ZNF83: variants seen among roughly 807,000 people sequenced by gnomAD.
ZNF83 encodes the protein zinc finger protein 83.
For synonymous variants in ZNF83, 209 were observed against 213.0 expected, an observed-to-expected ratio of 0.98 and a Z score of 0.17; for missense variants, 552 against 629.9, an observed-to-expected ratio of 0.88 and a Z score of 1.32.
intron 2 of ZNF83, chr19:52,618,758 C>T (rs1241777965): frequency 2.6e-6 from 3 of 1,162,506 alleles, no homozygotes; most frequent in Non-Finnish European, 3.5e-6. Context: ...ATGAAGAACG[C>T]AGAACATCTA....
intron 2 of ZNF83, among the ~76,000 whole-genome samples, chr19:52,620,738 C>T (rs781780724): frequency 8.5e-5 from 13 of 152,194 alleles, no homozygotes; most frequent in Non-Finnish European, 1.8e-4. Context: ...CTGAGGCAAG[C>T]GAAAAGCACA....
At chr19:52,663,565 CTTGAACTAAAT>C (rs1336339773) in intron 1 of ZNF83, among the ~76,000 whole-genome samples, 2 of 152,148 alleles carry the variant, frequency 1.3e-5, no homozygotes, top group African/African-American at 4.8e-5. Context: ...TAATAGGCTA[CTTGAACTAAAT>C]TTTGATGTTA....
intron 1 of ZNF83, chr19:52,636,315 T>TGTTA (rs1161897645): frequency 6.6e-6 from 1 of 151,802 alleles, no homozygotes; most frequent in Non-Finnish European, 1.5e-5. Context: ...TGTCTCTTAA[T>TGTTA]GTTAGTTAAT....
chr19:52,690,182 GAAA>G (rs35717855), intron 1 of ZNF83, among the ~76,000 whole-genome samples: 9 of 132,188 alleles, frequency 6.8e-5, no homozygotes, highest in African/African-American at 1.7e-4. Flanking sequence ...ATGATTTTGA[GAAA>G]AAAAAAAAAA....
intron 2 of ZNF83, among the ~76,000 whole-genome samples, chr19:52,616,087 C>CTTGG (rs1290789189): frequency 6.6e-6 from 1 of 152,228 alleles, no homozygotes; most frequent in East Asian, 1.9e-4. Flanking sequence ...ATCCACCCAC[C>CTTGG]TTGGGCTCCC....
chr19:52,670,151 A>C (rs2061704918), intron 1 of ZNF83, among the ~76,000 whole-genome samples: 1 of 151,442 alleles, frequency 6.6e-6, no homozygotes, highest in Non-Finnish European at 1.5e-5. Context: ...CACCTGCTCC[A>C]CCCTGCCTCA....
At chr19:52,665,848 G>T (rs888292913) in intron 1 of ZNF83, among the ~76,000 whole-genome samples, 1 of 152,048 alleles carries the variant, frequency 6.6e-6, no homozygotes. Context: ...CATCTATGAG[G>T]ACGCACCCTT....
intron 1 of ZNF83, among the ~76,000 whole-genome samples, chr19:52,688,846 C>T (rs1196567862): frequency 6.6e-6 from 1 of 151,896 alleles, no homozygotes; most frequent in Admixed American, 6.6e-5. Flanking sequence ...TTTCCTCTGC[C>T]TGTCAAGCTC....
At chr19:52,664,465 C>T (rs1056501784) in intron 1 of ZNF83, among the ~76,000 whole-genome samples, 12 of 152,034 alleles carry the variant, frequency 7.9e-5, no homozygotes, top group African/African-American at 2.9e-4. Flanking sequence ...AACAGCTCTC[C>T]AACCTGGGTG....
intron 1 of ZNF83, among the ~76,000 whole-genome samples, chr19:52,687,904 AC>A (rs2062074533): frequency 6.6e-6 from 1 of 151,470 alleles, no homozygotes; most frequent in African/African-American, 2.4e-5. Context: ...CCCACGTCCT[AC>A]CCCACCCTGG....
At chr19:52,655,428 C>A in intron 3 of ZNF83, 1 of 853,480 alleles carries the variant, frequency 1.2e-6, no homozygotes, top group South Asian at 1.6e-5. Flanking sequence ...ACAGGAGGAT[C>A]ATCACTGCAG....
In ZNF83 at chr19:52,658,042, A is replaced by G. The variant is rs1011373447; in HGVS notation, c.-200-2355T>C. Among the ~76,000 whole-genome samples the G allele has an allele frequency of 2.6e-5, 4 of 151,916 alleles. No individual in the cohort carries two copies. In the East Asian group the frequency reaches 5.8e-4, roughly 22 times the overall value. ...TCCCGGCTATTCAAAAGGCTAAGGC[A>G]GGAGAATTGCTTTAACCATGAAAGC... On this transcript the variant is annotated intron_variant, in intron 2 of 5. Transcript: ENST00000594682.
chr19:52,673,441 T>G (rs896381763), intron 1 of ZNF83, among the ~76,000 whole-genome samples: 2 of 151,954 alleles, frequency 1.3e-5, no homozygotes, highest in African/African-American at 4.8e-5. Context: ...AGGCAGAGGT[T>G]GCAGTGAGCT....
chr19:52,619,714 A>G (rs73584105), intron 2 of ZNF83, among the ~76,000 whole-genome samples: 1,529 of 152,192 alleles, frequency 0.01, 32 homozygotes, highest in African/African-American at 0.033. Flanking sequence ...TGATGCCTTC[A>G]AAGATGACAA....
chr19:52,613,315 G>A (rs369717102), exon 3 of ZNF83: 2 of 1,614,010 alleles, frequency 1.2e-6, no homozygotes, highest in Non-Finnish European at 1.7e-6. Context: ...CCAATGATAT[G>A]CAAGGTATGA....
At chr19:52,625,310 T>C (rs1362518977) in intron 2 of ZNF83, among the ~76,000 whole-genome samples, 2 of 152,164 alleles carry the variant, frequency 1.3e-5, no homozygotes, top group Admixed American at 6.5e-5. Flanking sequence ...CATGCTGTTA[T>C]ATGGGCTGAA....
At chr19:52,677,505 G>GGGATTTCATTCAACCTCACA (rs2061836950) in intron 1 of ZNF83, among the ~76,000 whole-genome samples, 5 of 150,722 alleles carry the variant, frequency 3.3e-5, no homozygotes, top group African/African-American at 1.2e-4. Flanking sequence ...AAAAGAAAAA[G>GGGATTTCATTCAACCTCACA]AGATCCAAAA....
At chr19:52,643,266 A>C (rs1346695620), upstream of ZNF83, among the ~76,000 whole-genome samples, 3 of 152,084 alleles carry the variant, frequency 2.0e-5, no homozygotes, top group Middle Eastern at 3.4e-3. Context: ...GGGCACAAAA[A>C]TCGCTTGAAC....
chr19:52,626,560 CCTTCTCTT>C, intron 2 of ZNF83, among the ~76,000 whole-genome samples: 1 of 152,090 alleles, frequency 6.6e-6, no homozygotes, highest in Admixed American at 6.6e-5. Flanking sequence ...CTGTTTTTCT[CCTTCTCTT>C]ATTCAGGCCC....
Sources: allele counts gnomAD v4.1 joint callset (sites outside exome capture counted in the v4.1 genomes callset), GRCh38; gene constraint gnomAD v4.1.1; transcripts MANE v1.5; gene names NCBI Gene and HGNC (gene_info 2026-07-23, HGNC 2026-07-21).